Variants in MCPH1 observed in about 807,000 individuals in gnomAD.
The protein encoded by MCPH1 is microcephalin 1.
Under a neutral mutation model 84.5 loss-of-function variants are expected in MCPH1, and 104 were observed. The ratio of observed to expected loss-of-function variants is 1.23; its 90% CI spans 1.05 to 1.45. The LOEUF is 1.45. Among genes scored for constraint, MCPH1 ranks in the 40% most tolerant of loss-of-function variants. MCPH1 has a pLI of 0.00. For synonymous variants in MCPH1, 514 were observed against 366.8 expected, an observed-to-expected ratio of 1.40 and a Z score of -4.58; for missense variants, 1,498 against 1,005.7, an observed-to-expected ratio of 1.49 and a Z score of -6.62.
chr8:6,607,950 A>C (rs1189743184), intron 12 of MCPH1, among the ~76,000 whole-genome samples: 1 of 152,220 alleles, frequency 6.6e-6, no homozygotes, highest in African/African-American at 2.4e-5. Context: ...TGATCCATTC[A>C]CGCCCAAGAA....
At chr8:6,514,396 G>A (rs1815812713) in intron 12 of MCPH1, among the ~76,000 whole-genome samples, 1 of 152,078 alleles carries the variant, frequency 6.6e-6, no homozygotes, top group South Asian at 2.1e-4. Flanking sequence ...TGTTATGTTG[G>A]CCAACTGGTC....
At chr8:6,411,602 G>T (rs780429457) in intron 2 of MCPH1, among the ~76,000 whole-genome samples, 1 of 152,160 alleles carries the variant, frequency 6.6e-6, no homozygotes, top group Non-Finnish European at 1.5e-5. Flanking sequence ...AAATTGTGAA[G>T]AACTATGCTA....
intron 6 of MCPH1, among the ~76,000 whole-genome samples, chr8:6,439,555 T>A (rs1803197180): frequency 6.6e-6 from 1 of 151,792 alleles, no homozygotes; most frequent in Non-Finnish European, 1.5e-5. Context: ...TGGCTAATTT[T>A]TTTTTGTTTT....
chr8:6,480,921 G>C (rs937252067), intron 11 of MCPH1, 45 bp downstream of exon 11: 2 of 1,604,522 alleles, frequency 1.2e-6, no homozygotes, highest in African/African-American at 2.7e-5. Context: ...AAGGCATTTT[G>C]ATAGAGTGGG....
intron 13 of MCPH1, chr8:6,625,730 G>T: frequency 1.0e-6 from 1 of 977,622 alleles, no homozygotes; most frequent in Non-Finnish European, 1.2e-6. Context: ...GCTGCGGTGA[G>T]CAACGATCCC....
Position 6,507,096 on chromosome 8 carries a change from C to T in MCPH1, c.2214+7167C>T, listed in dbSNP as rs953299213. Among the ~76,000 whole-genome samples, 60 of 152,164 alleles carry T rather than the reference C, an allele frequency of 3.9e-4. 1 individual carries two copies. Among genetic ancestry groups the T allele is most frequent in the African/African-American group, 1.3e-3 (55 of 41,532 alleles). Reference sequence around the variant, plus strand: ...TATTTTTAGTAGAGATGGGGTTTTGCCATGTTGGCCAGGCTGGTCTCAAAC... The same window carrying T: ...TATTTTTAGTAGAGATGGGGTTTTGTCATGTTGGCCAGGCTGGTCTCAAAC... On this transcript the variant is annotated intron_variant, in intron 12 of 13. Transcript: ENST00000344683.
chr8:6,617,900 A>AATCAATCTATCTATCTATCT (rs1554480976), intron 12 of MCPH1, among the ~76,000 whole-genome samples: 2 of 143,014 alleles, frequency 1.4e-5, no homozygotes, highest in Non-Finnish European at 3.0e-5. Context: ...CTATCTATCT[A>AATCAATCTATCTATCTATCT]ATCTATCTAT....
At chr8:6,604,967 A>C (rs1829647316) in intron 12 of MCPH1, among the ~76,000 whole-genome samples, 1 of 152,256 alleles carries the variant, frequency 6.6e-6, no homozygotes. Context: ...AAAAGGAAAG[A>C]AAATTAGGAA....
At chr8:6,514,795 AG>A (rs1815918181) in intron 12 of MCPH1, 2 of 1,610,854 alleles carry the variant, frequency 1.2e-6, no homozygotes, top group Non-Finnish European at 1.7e-6. Flanking sequence ...ACAGGAATGC[AG>A]GGTATAAGTG....
intron 12 of MCPH1, chr8:6,619,169 T>C (rs1586824389): frequency 6.6e-6 from 1 of 152,150 alleles, no homozygotes; most frequent in African/African-American, 2.4e-5. Flanking sequence ...CATGGCCAGG[T>C]GGAGATCGGT....
intron 12 of MCPH1, among the ~76,000 whole-genome samples, chr8:6,601,742 A>G (rs1829387596): frequency 3.0e-5 from 2 of 67,746 alleles, no homozygotes; most frequent in African/African-American, 8.3e-5. Context: ...CATACCACAT[A>G]TACCCACACC....
At chr8:6,525,251 C>G (rs866876942) in intron 12 of MCPH1, among the ~76,000 whole-genome samples, 3 of 152,124 alleles carry the variant, frequency 2.0e-5, no homozygotes, top group East Asian at 3.8e-4. Context: ...GCCCCCTGAT[C>G]GTTGTAAATT....
intron 12 of MCPH1, among the ~76,000 whole-genome samples, chr8:6,531,408 C>T (rs760499016): frequency 6.6e-6 from 1 of 151,930 alleles, no homozygotes; most frequent in Admixed American, 6.5e-5. Context: ...CCTGCCTCAG[C>T]CTCCCAAGTA....
At chr8:6,562,552 C>CTTTTTTTTTTTTTTTTTGTTTTT (rs1825707793) in intron 12 of MCPH1, 2 of 71,748 alleles carry the variant, frequency 2.8e-5, no homozygotes, top group Non-Finnish European at 5.2e-5. Context: ...CATCCTCCTT[C>CTTTTTTTTTTTTTTTTTGTTTTT]TTTTTTTTTT....
At chr8:6,462,602 C>A (rs1400399984) in intron 9 of MCPH1, among the ~76,000 whole-genome samples, 1 of 152,186 alleles carries the variant, frequency 6.6e-6, no homozygotes, top group East Asian at 1.9e-4. Flanking sequence ...CGCAGTGTTG[C>A]TAAAGCATTG....
At chr8:6,480,645 G>A in intron 10 of MCPH1, 69 bp from the exon 11 acceptor site, 1 of 1,571,470 alleles carries the variant, frequency 6.4e-7, no homozygotes, top group Non-Finnish European at 8.8e-7. Flanking sequence ...CTAATATTGA[G>A]TGTAACTGCT....
chr8:6,480,911 A>C (rs763104988), intron 11 of MCPH1, 35 bp downstream of exon 11: 2 of 1,610,326 alleles, frequency 1.2e-6, no homozygotes, highest in Non-Finnish European at 1.7e-6. Flanking sequence ...ATTTTAAAAC[A>C]AGGCATTTTG....
At chr8:6,585,715 T>C (rs1195813524) in intron 12 of MCPH1, among the ~76,000 whole-genome samples, 1 of 152,148 alleles carries the variant, frequency 6.6e-6, no homozygotes, top group Admixed American at 6.5e-5. Context: ...GAGAGAGAAA[T>C]TACATGTAAC....
intron 12 of MCPH1, among the ~76,000 whole-genome samples, chr8:6,541,765 G>C (rs1232455997): frequency 6.6e-6 from 1 of 152,040 alleles, no homozygotes; most frequent in African/African-American, 2.4e-5. Context: ...ATACTTTAGG[G>C]GGCCAAGGTA....
Sources: allele counts gnomAD v4.1 joint callset (sites outside exome capture counted in the v4.1 genomes callset), GRCh38; gene constraint gnomAD v4.1.1; transcripts MANE v1.5; gene names NCBI Gene and HGNC (gene_info 2026-07-23, HGNC 2026-07-21).